ENPP4: variants seen among roughly 807,000 people sequenced by gnomAD.
ENPP4 encodes ectonucleotide pyrophosphatase/phosphodiesterase 4, also known as bis(5'-adenosyl)-triphosphatase ENPP4.
ENPP4 carries 18 observed loss-of-function variants against 33.4 expected under a neutral mutation model. The ratio of observed to expected loss-of-function variants is 0.54; its 90% CI spans 0.37 to 0.80. ENPP4 has a LOEUF of 0.80. ENPP4 is among the 30% of genes least tolerant of loss of function. The probability of loss-of-function intolerance (pLI) is 0.00; values close to 1 mark genes in which losing one functional copy is unlikely to be tolerated. For missense variants in ENPP4, 480 were observed against 541.7 expected, an observed-to-expected ratio of 0.89 and a Z score of 1.13; for synonymous variants, 172 against 189.9, an observed-to-expected ratio of 0.91 and a Z score of 0.78.
intron 1 of ENPP4, among the ~76,000 whole-genome samples, chr6:46,138,045 A>G (rs1397804700): frequency 6.6e-6 from 1 of 151,804 alleles, no homozygotes; most frequent in African/African-American, 2.4e-5. Flanking sequence ...TGGGACCTCA[A>G]CATGCATACC....
chr6:46,140,947 A>T, intron 2 of ENPP4, 105 bp from the exon 3 acceptor site: 1 of 687,074 alleles, frequency 1.5e-6, no homozygotes, highest in Non-Finnish European at 2.4e-6. Flanking sequence ...GAAGTGATTT[A>T]ATAGATGACA....
At position 46,143,910 on chromosome 6, in the gene ENPP4, C is replaced by T. The variant is rs1764106901; in HGVS notation, c.*270C>T. 1 of 268,752 alleles carries T rather than the reference C, an allele frequency of 3.7e-6. No homozygotes were observed. The highest frequency in any genetic ancestry group is 7.0e-6 in the Non-Finnish European group (1 of 142,948). 16.6% of individuals were successfully genotyped at this position (268,752 alleles called of 1,614,324 possible). On this transcript the variant is annotated 3_prime_UTR_variant, in exon 4 of 4. Transcript: ENST00000321037. ...GTAACATCAATCCTAACTAGAAATACTAAAAATGGCTTTTGAGAAAAATAC... is the reference window on the plus strand; with the variant it reads ...GTAACATCAATCCTAACTAGAAATATTAAAAATGGCTTTTGAGAAAAATAC...
chr6:46,136,091 T>C (rs1165401749), intron 1 of ENPP4, among the ~76,000 whole-genome samples: 3 of 152,028 alleles, frequency 2.0e-5, no homozygotes, highest in Admixed American at 2.0e-4. Flanking sequence ...ATGAGTATTT[T>C]TCCCCGTGAG....
Position 46,143,655 on chromosome 6 carries a change from T to C in ENPP4, c.*15T>C. The C allele has an allele frequency of 1.3e-6, 2 of 1,585,624 alleles. No homozygotes were observed. Among genetic ancestry groups the C allele is most frequent in the Non-Finnish European group, 1.7e-6 (2 of 1,164,222 alleles). ...TAATTGGGTGACATGTGCTAGGGCT[T>C]ATACAAAGTGTCTTTGATTAATCAC... is the stretch of plus-strand genomic sequence containing the variant. On this transcript the variant is annotated 3_prime_UTR_variant, in exon 4 of 4. Transcript: ENST00000321037.
chr6:46,141,304 C>T (rs899978367), intron 3 of ENPP4, 82 bp downstream of exon 3: 2 of 989,150 alleles, frequency 2.0e-6, no homozygotes, highest in Non-Finnish European at 3.0e-6. Flanking sequence ...GAGGGTACTT[C>T]GATTTAAAGA....
At position 46,137,319 on chromosome 6, in the gene ENPP4, G is replaced by A. The variant is rs761396; in HGVS notation, c.-33-2232G>A. ...GAGAAGATACTGTGCCGCCGTATTTGCTGATTTAAAAGTCTACTCTGTGAT... is the reference window on the plus strand; with the variant it reads ...GAGAAGATACTGTGCCGCCGTATTTACTGATTTAAAAGTCTACTCTGTGAT... On this transcript the variant is annotated intron_variant, in intron 1 of 3. Transcript: ENST00000321037. 3.1e-4 allele frequency among the ~76,000 whole-genome samples: 47 copies of A among 151,976 alleles called. No homozygotes were observed. In the South Asian group the frequency reaches 8.9e-3, roughly 29 times the overall value.
At position 46,143,659 on chromosome 6, in the gene ENPP4, C is replaced by A; in HGVS notation, c.*19C>A. 6.3e-7 allele frequency: 1 copy of A among 1,578,730 alleles called. No individual in the cohort carries two copies. The highest frequency in any genetic ancestry group is 8.6e-7 in the Non-Finnish European group (1 of 1,160,748). ...TGGGTGACATGTGCTAGGGCTTATA[C>A]AAAGTGTCTTTGATTAATCACAAAA... On this transcript the variant is annotated 3_prime_UTR_variant, in exon 4 of 4. Coordinates refer to ENST00000321037, the MANE Select transcript of ENPP4 (RefSeq NM_014936.5).
At chr6:46,138,447 T>G (rs1033109380) in intron 1 of ENPP4, among the ~76,000 whole-genome samples, 1 of 151,868 alleles carries the variant, frequency 6.6e-6, no homozygotes, top group Non-Finnish European at 1.5e-5. Context: ...CAACATTGAC[T>G]CCAGTTCTAC....
chr6:46,138,915 C>T (rs1419357182), intron 1 of ENPP4, among the ~76,000 whole-genome samples: 2 of 151,854 alleles, frequency 1.3e-5, no homozygotes, highest in Non-Finnish European at 2.9e-5. Context: ...TGGATTTCTT[C>T]ATAAGTTACT....
intron 3 of ENPP4, 150 bp from the exon 4 acceptor site, chr6:46,143,126 G>GA (rs397811176): frequency 4.1e-6 from 3 of 724,836 alleles, no homozygotes; most frequent in Admixed American, 2.8e-5. Context: ...GAGAGAGAGA[G>GA]GGAAATATGG....
Position 46,143,158 on chromosome 6 carries a change from T to C in ENPP4, c.998-118T>C. ...ATGGAACATAGCTGAGTTGAAGAAA[T>C]AGAAATTTTTATTTCTAGTCCCTTT... On this transcript the variant is annotated intron_variant, in intron 3 of 3. Transcript: ENST00000321037. 6.0e-6 allele frequency: 6 copies of C among 999,672 alleles called. No individual in the cohort carries two copies. The South Asian group carries it at 9.8e-5, about 16-fold the overall frequency. The allele number at this position is 999,672 out of a possible 1,614,324, so 61.9% of individuals were successfully genotyped here.
intron 1 of ENPP4, among the ~76,000 whole-genome samples, chr6:46,133,384 T>C (rs552333242): frequency 2.0e-5 from 3 of 152,156 alleles, no homozygotes; most frequent in Admixed American, 6.5e-5. Flanking sequence ...AGTCATAGAA[T>C]AAAGTTTTTA....
Position 46,130,115 on chromosome 6 carries a change from C to A in ENPP4, c.-108C>A, listed in dbSNP as rs1212904714. The A allele has an allele frequency of 1.3e-5, 2 of 152,272 alleles. No individual in the cohort carries two copies. Among genetic ancestry groups the A allele is most frequent in the Admixed American group, 1.3e-4 (2 of 15,288 alleles). The allele number at this position is 152,272 out of a possible 1,614,324, so 9.4% of individuals were successfully genotyped here. ...CCCTCTTCCTCCAGGTCCCCCTTCC[C>A]CGCAACTTCCCACGAGTGCCAGGTG... On this transcript the variant is annotated 5_prime_UTR_variant, in exon 1 of 4. Transcript: ENST00000321037.
At chr6:46,137,772 A>G (rs899137111) in intron 1 of ENPP4, among the ~76,000 whole-genome samples, 8 of 151,936 alleles carry the variant, frequency 5.3e-5, no homozygotes, top group Admixed American at 3.9e-4. Flanking sequence ...TCAGAAGGCA[A>G]CCTGTCTCCG....
intron 3 of ENPP4, 73 bp downstream of exon 3, chr6:46,141,295 A>C: frequency 1.8e-6 from 2 of 1,097,326 alleles, no homozygotes; most frequent in Non-Finnish European, 2.7e-6. Context: ...TTGTGTTAAG[A>C]GGGTACTTCG....
Position 46,139,562 on chromosome 6 carries a change from G to C in ENPP4, c.-22G>C. 1 of 1,205,404 alleles carries C rather than the reference G, an allele frequency of 8.3e-7. No individual in the cohort carries two copies. The highest frequency in any genetic ancestry group is 1.2e-6 in the Non-Finnish European group (1 of 816,904). 74.7% of individuals were successfully genotyped at this position (1,205,404 alleles called of 1,614,324 possible). A position where few individuals can be genotyped will look rare whatever the true frequency, so the allele number is the denominator to read the frequency against. On this transcript the variant is annotated 5_prime_UTR_variant, in exon 2 of 4. Transcript: ENST00000321037. ...TTTTTACATTTTAGGAACCCTGATT[G>C]CTGTCCTTCAACGTGTTCATTATGA...
Position 46,145,230 on chromosome 6 carries a change from C to T in ENPP4, c.*1590C>T, listed in dbSNP as rs555583885. 4.7e-5 allele frequency: 14 copies of T among 295,720 alleles called. No homozygotes were observed. The highest frequency in any genetic ancestry group is 7.4e-5 in the Non-Finnish European group (12 of 161,532). The allele number at this position is 295,720 out of a possible 1,614,324, so 18.3% of individuals were successfully genotyped here. ...GGTGCCAGTCATCAAACATACAGTG[C>T]GTCCTATTGAGTCACTGCTAATTTC... is the stretch of plus-strand genomic sequence containing the variant. On this transcript the variant is annotated 3_prime_UTR_variant, in exon 4 of 4. Coordinates refer to ENST00000321037, the MANE Select transcript of ENPP4 (RefSeq NM_014936.5).
At position 46,139,860 on chromosome 6, in the gene ENPP4, A is replaced by T. The variant is rs200503505; in HGVS notation, c.277A>T (p.Met93Leu). ...EESHGIVANSMYDAVTKKHFS... is the reference protein window; with the variant it reads ...EESHGIVANSLYDAVTKKHFS... ...AAGCCATGGCATTGTGGCTAATTCCATGTATGATGCAGTCACAAAGAAACA... is the reference window on the plus strand; with the variant it reads ...AAGCCATGGCATTGTGGCTAATTCCTTGTATGATGCAGTCACAAAGAAACA... The change falls in exon 2 of 4, where the codon ATG becomes TTG. Residue 93 changes from methionine (M) to leucine (L), a missense_variant. Transcript: ENST00000321037. The T allele has an allele frequency of 1.6e-4, 257 of 1,612,748 alleles. No homozygotes were observed. Among genetic ancestry groups the T allele is most frequent in the Non-Finnish European group, 2.0e-4 (238 of 1,179,090 alleles).
intron 1 of ENPP4, among the ~76,000 whole-genome samples, chr6:46,139,128 CTA>C (rs1764018104): frequency 6.6e-6 from 1 of 151,752 alleles, no homozygotes; most frequent in East Asian, 1.9e-4. Flanking sequence ...GTTAAAGAAA[CTA>C]TAAAGTACAA....
Sources: gnomAD v4.1 joint callset for allele counts (sites outside exome capture counted in the v4.1 genomes callset) on GRCh38, gnomAD v4.1.1 for gene constraint, MANE v1.5 for transcripts, NCBI Gene and HGNC (gene_info 2026-07-23, HGNC 2026-07-21) for gene names.